NLRC5: variants seen among roughly 807,000 people sequenced by gnomAD.
The protein encoded by NLRC5 is NLR family CARD domain containing 5, also known as protein NLRC5.
Under a neutral mutation model 206.9 loss-of-function variants are expected in NLRC5, and 114 were observed. The observed-to-expected ratio is 0.55, with a 90% CI of 0.47 to 0.64. NLRC5 has a LOEUF of 0.64. Ranked by LOEUF, NLRC5 falls within the 30% of genes least tolerant of loss-of-function variation. The pLI is 0.00. For synonymous variants in NLRC5, 952 were observed against 962.8 expected, an observed-to-expected ratio of 0.99 and a Z score of 0.21; for missense variants, 2,008 against 2,305.5, an observed-to-expected ratio of 0.87 and a Z score of 2.64.
At chr16:57,022,171 G>C in intron 3 of NLRC5, 85 bp from the exon 4 acceptor site, 16 of 1,129,204 alleles carry the variant, frequency 1.4e-5, no homozygotes, top group Non-Finnish European at 2.0e-5. Flanking sequence ...TGTGAGATGA[G>C]CCCTGAGCCA....
At chr16:57,077,875 C>T in intron 42 of NLRC5, 68 bp from the exon 43 acceptor site, 1 of 1,601,934 alleles carries the variant, frequency 6.2e-7, no homozygotes, top group Non-Finnish European at 8.5e-7. Flanking sequence ...CCGCAGTGGG[C>T]ACAGGGCAGG....
chr16:57,050,512 G>T (rs940225541), intron 23 of NLRC5, among the ~76,000 whole-genome samples: 9 of 152,112 alleles, frequency 5.9e-5, no homozygotes, highest in African/African-American at 1.9e-4. Context: ...AGAGAGGAAG[G>T]GGGAGGTGGA....
Position 57,025,535 on chromosome 16 carries a change from G to A in NLRC5, c.592G>A (p.Asp198Asn), listed in dbSNP as rs2061196627. 1 of 1,613,624 alleles carries A rather than the reference G, an allele frequency of 6.2e-7. No individual in the cohort carries two copies. Among genetic ancestry groups the A allele is most frequent in the Non-Finnish European group, 8.5e-7 (1 of 1,179,680 alleles). The change falls in exon 6 of 49, where the codon GAC (aspartate) becomes AAC (asparagine). Residue 198 changes from aspartate (D) to asparagine (N), a missense_variant. Asp to Asn is a conservative substitution (Grantham distance 23, BLOSUM62 1). Transcript: ENST00000688547. ...LDTPEGAIMG[D>N]VKVEDGADVS... The stretch of plus-strand genomic sequence containing the variant: ...CACTCCGGAGGGGGCCATTATGGGG[G>A]ACGTCAAGGTGGAAGATGGTGCTGA...
In NLRC5 at chr16:57,020,170, C is replaced by G. The variant is rs747214963; in HGVS notation, c.-12-531C>G. ...AGAAACTCCCTTATCCCCCAACTCA[C>G]CTTCCCCAGATCACCTTCCCCCTAG... On this transcript the variant is annotated intron_variant, in intron 2 of 48. Transcript: ENST00000688547. Among the ~76,000 whole-genome samples the G allele has an allele frequency of 4.8e-4, 73 of 151,718 alleles. 1 individual carries two copies. Among genetic ancestry groups the G allele is most frequent in the South Asian group, 1.0e-3 (5 of 4,790 alleles).
chr16:57,041,915 G>A lies in NLRC5; in HGVS notation c.3030-67G>A, dbSNP rs994101642. The A allele has an allele frequency of 1.0e-5, 11 of 1,060,228 alleles. No individual in the cohort carries two copies. In the South Asian group the frequency reaches 1.8e-4, roughly 17 times the overall value. 65.7% of individuals were successfully genotyped at this position (1,060,228 alleles called of 1,614,324 possible). A position where few individuals can be genotyped will look rare whatever the true frequency, so the allele number is the denominator to read the frequency against. On this transcript the variant is annotated intron_variant, in intron 18 of 48. Transcript: ENST00000688547. The stretch of plus-strand genomic sequence containing the variant: ...AGGAAGTTGAGTAACTGGAATGCAG[G>A]GACCATGCTGCCAGCAACCCACTCC...
At chr16:57,057,365 A>G (rs1391529010) in intron 27 of NLRC5, among the ~76,000 whole-genome samples, 5 of 152,256 alleles carry the variant, frequency 3.3e-5, no homozygotes, top group Non-Finnish European at 5.9e-5. Flanking sequence ...CAGAGGTCGC[A>G]GTGAGCCAAG....
At chr16:57,052,195 A>C (rs2065011814) in intron 24 of NLRC5, among the ~76,000 whole-genome samples, 1 of 152,178 alleles carries the variant, frequency 6.6e-6, no homozygotes, top group Non-Finnish European at 1.5e-5. Flanking sequence ...TATTTAGGCC[A>C]TGTGTGGTGG....
intron 1 of NLRC5, among the ~76,000 whole-genome samples, chr16:56,993,150 CACATAT>C (rs1230310519): frequency 1.1e-5 from 1 of 93,036 alleles, no homozygotes; most frequent in Non-Finnish European, 2.6e-5. Flanking sequence ...CACACACACA[CACATAT>C]ACACATATAT....
At chr16:57,077,012 C>A in intron 40 of NLRC5, 110 bp downstream of exon 40, 2 of 948,838 alleles carry the variant, frequency 2.1e-6, no homozygotes, top group Non-Finnish European at 3.3e-6. Context: ...ATCTCCTTCA[C>A]CCACTTCTAC....
At chr16:57,031,130 T>C (rs1336112826) in intron 10 of NLRC5, among the ~76,000 whole-genome samples, 1 of 151,560 alleles carries the variant, frequency 6.6e-6, no homozygotes, top group Non-Finnish European at 1.5e-5. Flanking sequence ...AAAAAAAAAC[T>C]CACAACATTC....
chr16:57,012,222 A>G (rs563447262), intron 1 of NLRC5, among the ~76,000 whole-genome samples: 2 of 152,220 alleles, frequency 1.3e-5, no homozygotes, highest in Admixed American at 1.3e-4. Context: ...ATTCCATTGT[A>G]TAGATATGTC....
Position 57,079,210 on chromosome 16 carries a change from C to A in NLRC5, c.5166-11C>A. ...GGGGTTCCTCTCACAGGTATCTCCC[C>A]TACCCTGCAGCTTGGCGGAAAACAA... On this transcript the variant is annotated splice_polypyrimidine_tract_variant and intron_variant, in intron 44 of 48. Coordinates refer to ENST00000688547, the MANE Select transcript of NLRC5 (RefSeq NM_001384950.1). 1 of 1,614,040 alleles carries A rather than the reference C, an allele frequency of 6.2e-7. No homozygotes were observed. Among genetic ancestry groups the A allele is most frequent in the Non-Finnish European group, 8.5e-7 (1 of 1,180,012 alleles).
At chr16:57,051,350 T>C (rs2064872494) in intron 23 of NLRC5, among the ~76,000 whole-genome samples, 188 bp from the exon 24 acceptor site, 2 of 152,210 alleles carry the variant, frequency 1.3e-5, no homozygotes, top group Non-Finnish European at 1.5e-5. Flanking sequence ...CTTAACCCCG[T>C]ATTTCCCAAA....
chr16:57,049,120 C>A lies in NLRC5; in HGVS notation c.3422+1492C>A, dbSNP rs868026945. Among the ~76,000 whole-genome samples the A allele has an allele frequency of 5.0e-3, 746 of 149,390 alleles. 9 individuals are homozygous for A. Among genetic ancestry groups the A allele is most frequent in the African/African-American group, 0.017 (686 of 40,774 alleles). On this transcript the variant is annotated intron_variant, in intron 23 of 48. Coordinates refer to ENST00000688547, the MANE Select transcript of NLRC5 (RefSeq NM_001384950.1). ...TAGCTGATGTGCTAAAAAAAAAAAA[C>A]AAAACTCCAAAGAAAAATCTCATAG...
At chr16:57,059,394 C>T (rs753592028) in intron 29 of NLRC5, 73 bp from the exon 30 acceptor site, 1 of 1,549,192 alleles carries the variant, frequency 6.5e-7, no homozygotes, top group Non-Finnish European at 8.7e-7. Context: ...TCTCTGTGCC[C>T]TGTGGGTGCC....
chr16:57,037,316 C>CT, intron 15 of NLRC5, 32 bp downstream of exon 15: 2 of 1,252,524 alleles, frequency 1.6e-6, no homozygotes, highest in African/African-American at 4.4e-5. Flanking sequence ...GGTACCCATC[C>CT]CCCCCCCCAT....
At chr16:57,079,344 C>T in intron 45 of NLRC5, 52 bp downstream of exon 45, 1 of 1,591,278 alleles carries the variant, frequency 6.3e-7, no homozygotes, top group Non-Finnish European at 8.6e-7. Context: ...CTGAGGGCAG[C>T]CCTTCTCTGA....
intron 1 of NLRC5, among the ~76,000 whole-genome samples, chr16:57,003,605 C>T (rs1406893880): frequency 6.6e-6 from 1 of 152,168 alleles, no homozygotes; most frequent in Non-Finnish European, 1.5e-5. Context: ...CCCCCGCCCA[C>T]TGGGGGTGCA....
chr16:57,009,466 G>A (rs1228872547), intron 1 of NLRC5, among the ~76,000 whole-genome samples: 1 of 151,736 alleles, frequency 6.6e-6, no homozygotes, highest in Non-Finnish European at 1.5e-5. Context: ...GGTGGCGTGT[G>A]CCTGTGGTCC....
Sources: allele counts gnomAD v4.1 joint callset (sites outside exome capture counted in the v4.1 genomes callset), GRCh38; gene constraint gnomAD v4.1.1; transcripts MANE v1.5; gene names NCBI Gene and HGNC (gene_info 2026-07-23, HGNC 2026-07-21).